RGSL1: variants seen among roughly 807,000 people sequenced by gnomAD.
RGSL1 encodes the protein regulator of G protein signaling like 1.
Under a neutral mutation model 124.7 loss-of-function variants are expected in RGSL1, and 97 were observed. That is an observed-to-expected ratio of 0.78 (90% CI 0.66 to 0.92). The LOEUF is 0.92. Ranked by LOEUF, RGSL1 falls within the 40% of genes least tolerant of loss-of-function variation. The pLI is 0.00. For synonymous variants in RGSL1, 424 were observed against 438.1 expected (o/e 0.97, Z 0.40); for missense variants, 1,233 against 1,288.4 (o/e 0.96, Z 0.66).
chr1:182,558,054 A>AGAAGGAAG (rs111778820), intron 21 of RGSL1, among the ~76,000 whole-genome samples: 21,148 of 151,484 alleles, frequency 0.14, 1,989 homozygotes, highest in Admixed American at 0.24. Context: ...AGGAATAAAA[A>AGAAGGAAG]GAAGGAAGGA....
At chr1:182,554,737 A>G (rs1244073949) in intron 20 of RGSL1, 44 bp downstream of exon 20, 1 of 1,525,888 alleles carries the variant, frequency 6.6e-7, no homozygotes, top group Non-Finnish European at 8.9e-7. Flanking sequence ...CAGAGCTGCT[A>G]TGTCCAAGCA....
upstream of RGSL1, among the ~76,000 whole-genome samples, chr1:182,449,915 A>G (rs1651682175): frequency 6.6e-6 from 1 of 152,234 alleles, no homozygotes; most frequent in Admixed American, 6.5e-5. Context: ...GAACTTGTCA[A>G]ATAAAATAGT....
Position 182,474,189 on chromosome 1 carries a change from G to T in RGSL1, c.1078G>T (p.Ala360Ser). The change falls in exon 6 of 22, where the codon GCC (alanine) becomes TCC (serine). Residue 360 changes from alanine (A) to serine (S), a missense_variant. Transcript: ENST00000294854. ...NHSSKMTIQK[A>S]IKQSFSLGYI... ...CTCCTCCAAGATGACAATTCAGAAG[G>T]CCATCAAGCAAAGCTTCTCCTTAGG... is the stretch of plus-strand genomic sequence containing the variant. 6.4e-7 allele frequency: 1 copy of T among 1,551,978 alleles called. No individual in the cohort carries two copies. The highest frequency in any genetic ancestry group is 8.7e-7 in the Non-Finnish European group (1 of 1,147,064).
At chr1:182,472,752 C>T (rs1653951663) in intron 5 of RGSL1, 195 bp downstream of exon 5, 2 of 529,680 alleles carry the variant, frequency 3.8e-6, no homozygotes, top group South Asian at 4.5e-5. Flanking sequence ...TGGCACTTGC[C>T]TCTCTCTAAG....
chr1:182,556,220 T>C lies in RGSL1; in HGVS notation c.*163T>C. On this transcript the variant is annotated splice_region_variant and 3_prime_UTR_variant, in exon 21 of 22. Coordinates refer to ENST00000294854, the MANE Select transcript of RGSL1 (RefSeq NM_001137669.2). ...CAGATATGGCAGGACCAGACTGCAA[T>C]GGGTAAGACTTGGGCAGAGCATGAG... 1.5e-6 allele frequency: 1 copy of C among 661,788 alleles called. No individual in the cohort carries two copies. The highest frequency in any genetic ancestry group is 2.0e-5 in the South Asian group (1 of 50,610). The allele number at this position is 661,788 out of a possible 1,614,324, so 41.0% of individuals were successfully genotyped here. A position where few individuals can be genotyped will look rare whatever the true frequency, so the allele number is the denominator to read the frequency against.
intron 6 of RGSL1, among the ~76,000 whole-genome samples, chr1:182,477,216 TG>T (rs1327016150): frequency 1.3e-5 from 2 of 152,172 alleles, no homozygotes; most frequent in Non-Finnish European, 2.9e-5. Context: ...GTAGCAGGCC[TG>T]TCAGTCAGGA....
chr1:182,472,954 A>G (rs1250211888), intron 5 of RGSL1, among the ~76,000 whole-genome samples: 4 of 152,176 alleles, frequency 2.6e-5, no homozygotes, highest in Non-Finnish European at 5.9e-5. Flanking sequence ...CCGTTTTTAC[A>G]TTTTCATAGG....
rs920288652 is a variant in RGSL1 at position 182,556,167 on chromosome 1, G to T, written c.*110G>T. On this transcript the variant is annotated 3_prime_UTR_variant, in exon 21 of 22. Coordinates refer to ENST00000294854, the MANE Select transcript of RGSL1 (RefSeq NM_001137669.2). ...TCCTGGTACCATCTTCCCCAGAAAC[G>T]ATCAAGAAGGGCAATGGGTTGACAG... The T allele has an allele frequency of 1.8e-6, 2 of 1,091,108 alleles. No homozygotes were observed. The highest frequency in any genetic ancestry group is 2.6e-6 in the Non-Finnish European group (2 of 755,604). The allele number at this position is 1,091,108 out of a possible 1,614,324, so 67.6% of individuals were successfully genotyped here.
Position 182,494,096 on chromosome 1 carries a change from G to T in RGSL1, c.1825+967G>T, listed in dbSNP as rs975416983. On this transcript the variant is annotated intron_variant, in intron 9 of 21. Transcript: ENST00000294854. ...GGTCTTACTAGACTCTCATCTCTGG[G>T]ATACCTGAGCCCCCGGTCATCACGA... 2.6e-5 allele frequency among the ~76,000 whole-genome samples: 4 copies of T among 152,014 alleles called. 1 individual carries two copies. Among genetic ancestry groups the T allele is most frequent in the Non-Finnish European group, 4.4e-5 (3 of 68,020 alleles).
At chr1:182,529,114 C>T (rs1279561299) in intron 11 of RGSL1, among the ~76,000 whole-genome samples, 1 of 152,120 alleles carries the variant, frequency 6.6e-6, no homozygotes, top group African/African-American at 2.4e-5. Context: ...GGACACAGAG[C>T]CAAACTATAT....
chr1:182,534,686 G>A (rs1659420201), intron 14 of RGSL1, among the ~76,000 whole-genome samples: 1 of 152,086 alleles, frequency 6.6e-6, no homozygotes, highest in Non-Finnish European at 1.5e-5. Flanking sequence ...AATTAGCTGA[G>A]TGTGGTGGTG....
chr1:182,515,107 AC>A (rs1344069286), intron 9 of RGSL1, among the ~76,000 whole-genome samples: 7 of 152,098 alleles, frequency 4.6e-5, no homozygotes, highest in African/African-American at 1.7e-4. Flanking sequence ...GGCAGGTGCC[AC>A]CCACAGGTGT....
At chr1:182,534,441 C>G (rs537443800) in intron 14 of RGSL1, among the ~76,000 whole-genome samples, 1 of 152,194 alleles carries the variant, frequency 6.6e-6, no homozygotes, top group South Asian at 2.1e-4. Context: ...GTCTATTTTT[C>G]TATTGGTATT....
chr1:182,530,398 A>T (rs1344811297), intron 12 of RGSL1, 37 bp downstream of exon 12: 6 of 1,498,850 alleles, frequency 4.0e-6, no homozygotes, highest in Non-Finnish European at 5.4e-6. Flanking sequence ...TTCTTCCTGG[A>T]GTTGCTCCTT....
chr1:182,555,901 C>A, intron 20 of RGSL1, 123 bp from the exon 21 acceptor site: 1 of 798,522 alleles, frequency 1.3e-6, no homozygotes, highest in Non-Finnish European at 2.1e-6. Context: ...TATTCTGAAG[C>A]CTGAAGGTTT....
intron 9 of RGSL1, among the ~76,000 whole-genome samples, chr1:182,509,671 A>G (rs1185814366): frequency 3.8e-5 from 4 of 106,400 alleles, no homozygotes; most frequent in East Asian, 3.3e-4. Context: ...CGGGGGGCTG[A>G]ACCCCCCACC....
chr1:182,506,804 G>A (rs971360150), intron 9 of RGSL1, among the ~76,000 whole-genome samples: 2 of 152,012 alleles, frequency 1.3e-5, no homozygotes, highest in African/African-American at 4.8e-5. Flanking sequence ...GGGTACATGT[G>A]ACAATTAAAC....
At chr1:182,546,937 C>A (rs139795489) in intron 15 of RGSL1, among the ~76,000 whole-genome samples, 1 of 152,242 alleles carries the variant, frequency 6.6e-6, no homozygotes, top group East Asian at 1.9e-4. Flanking sequence ...AAAGGTGTAC[C>A]ACTAATCTAT....
At chr1:182,520,507 A>G (rs1022015478) in intron 9 of RGSL1, among the ~76,000 whole-genome samples, 2 of 152,194 alleles carry the variant, frequency 1.3e-5, no homozygotes, top group African/African-American at 4.8e-5. Flanking sequence ...TAACACTGCA[A>G]ATGCCTTTAG....
Sources: gnomAD v4.1 joint callset for allele counts (sites outside exome capture counted in the v4.1 genomes callset) on GRCh38, gnomAD v4.1.1 for gene constraint, MANE v1.5 for transcripts, NCBI Gene and HGNC (gene_info 2026-07-23, HGNC 2026-07-21) for gene names.